TMEM164: variants seen among roughly 807,000 people sequenced by gnomAD.
TMEM164 encodes the protein RP13-360B22.2.
TMEM164 carries 4 observed loss-of-function variants against 18.8 expected under a neutral mutation model. The observed-to-expected ratio is 0.21, with a 90% confidence interval of 0.10 to 0.49. The LOEUF is 0.49. TMEM164 is among the 20% of genes least tolerant of loss of function. The pLI, the probability that TMEM164 is intolerant of heterozygous loss-of-function variation, is 0.98. For missense variants in TMEM164, 108 were observed against 239.9 expected, an observed-to-expected ratio of 0.45 and a Z score of 3.63; for synonymous variants, 86 against 101.7, an observed-to-expected ratio of 0.85 and a Z score of 0.93.
intron 2 of TMEM164, among the ~76,000 whole-genome samples, chrX:110,054,569 G>A (rs1396443036): frequency 8.9e-6 from 1 of 112,008 alleles, no homozygotes; most frequent in African/African-American, 3.2e-5. Context: ...CAGCTCACCT[G>A]TTGTCACTAC....
At chrX:110,104,441 T>C (rs2066156415) in intron 3 of TMEM164, among the ~76,000 whole-genome samples, 1 of 111,677 alleles carries the variant, frequency 9.0e-6, no homozygotes, top group Non-Finnish European at 1.9e-5. Context: ...TGCAATACCA[T>C]AAATGTTGAA....
intron 4 of TMEM164, among the ~76,000 whole-genome samples, chrX:110,124,628 C>T (rs182441637): frequency 7.6e-4 from 85 of 111,446 alleles, no homozygotes; most frequent in Non-Finnish European, 1.9e-4. Context: ...GGAAAAACTT[C>T]GTAAGCTAGG....
chrX:110,148,507 CTTTCTTTTTT>C (rs1003034888), intron 5 of TMEM164, among the ~76,000 whole-genome samples: 4 of 109,716 alleles, frequency 3.6e-5, no homozygotes, highest in African/African-American at 1.0e-4. Flanking sequence ...TATTCTTTTT[CTTTCTTTTTT>C]TTTCTTTTTT....
downstream of TMEM164, among the ~76,000 whole-genome samples, chrX:110,184,073 A>G (rs113578509): frequency 0.026 from 2,841 of 111,176 alleles, 91 homozygotes; most frequent in African/African-American, 0.087. Flanking sequence ...ATAATGATGT[A>G]TCAGTGTAGG....
intron 3 of TMEM164, among the ~76,000 whole-genome samples, chrX:110,084,400 A>ATAG (rs1569320935): frequency 3.0e-3 from 170 of 55,793 alleles, no homozygotes; most frequent in Non-Finnish European, 4.6e-3. Context: ...ATAGTATAGT[A>ATAG]TATATATATA....
intron 4 of TMEM164, among the ~76,000 whole-genome samples, chrX:110,144,014 TAC>T (rs1472942449): frequency 8.9e-6 from 1 of 111,823 alleles, no homozygotes; most frequent in Non-Finnish European, 1.9e-5. Context: ...GCTTTGAGAA[TAC>T]AGAGATTCCA....
intron 4 of TMEM164, among the ~76,000 whole-genome samples, chrX:110,109,444 G>A (rs1320127311): frequency 1.8e-5 from 2 of 111,922 alleles, no homozygotes; most frequent in African/African-American, 3.2e-5. Context: ...CTTGAACCTG[G>A]GTGGCAGAGG....
rs1401838853 is a variant in TMEM164, at chrX:110,055,182, T to A, written c.391-12165T>A. 66 of 298,637 alleles carry A rather than the reference T, an allele frequency of 2.2e-4. 1 individual carries two copies. The East Asian group carries it at 2.6e-3, about 12-fold the overall frequency. The allele number at this position is 298,637 out of a possible 1,213,427, so 24.6% of individuals were successfully genotyped here. ...TTCCATGCAAATGCTGTTTGTGTGCTATGGCCATGCTATTCTCTTGAATTT... is the reference window on the plus strand; with the variant it reads ...TTCCATGCAAATGCTGTTTGTGTGCAATGGCCATGCTATTCTCTTGAATTT... On this transcript the variant is annotated intron_variant, in intron 2 of 6. Coordinates refer to ENST00000372068, the MANE Select transcript of TMEM164 (RefSeq NM_032227.4).
intron 5 of TMEM164, among the ~76,000 whole-genome samples, chrX:110,166,195 C>T (rs1233671273): frequency 9.0e-6 from 1 of 111,670 alleles, no homozygotes; most frequent in African/African-American, 3.3e-5. Flanking sequence ...AGGCTATAAC[C>T]TCTCCTTCCT....
At chrX:110,127,269 T>C (rs748879363) in intron 4 of TMEM164, among the ~76,000 whole-genome samples, 34 of 111,451 alleles carry the variant, frequency 3.1e-4, no homozygotes, top group Non-Finnish European at 6.2e-4. Context: ...TCCCAGCACT[T>C]TGAGAGGCTG....
chrX:110,050,564 G>A (rs184678013), intron 2 of TMEM164, among the ~76,000 whole-genome samples: 101 of 111,664 alleles, frequency 9.0e-4, no homozygotes, highest in African/African-American at 2.8e-3. Context: ...AATTTGCAGC[G>A]TCCCCAGCCC....
intron 3 of TMEM164, among the ~76,000 whole-genome samples, chrX:110,091,335 G>A (rs1224159171): frequency 8.9e-6 from 1 of 112,109 alleles, no homozygotes; most frequent in African/African-American, 3.2e-5. Context: ...CAGTGTAAAA[G>A]TGTTCCTATT....
At chrX:110,099,078 G>T (rs974457823) in intron 3 of TMEM164, among the ~76,000 whole-genome samples, 8 of 108,761 alleles carry the variant, frequency 7.4e-5, no homozygotes, top group Admixed American at 7.0e-4. Context: ...GATTACAGGC[G>T]TGAGCCACCG....
At chrX:110,039,961 C>G (rs1040223370) in intron 2 of TMEM164, among the ~76,000 whole-genome samples, 1 of 111,198 alleles carries the variant, frequency 9.0e-6, no homozygotes, top group African/African-American at 3.3e-5. Context: ...TCTTCAAAAT[C>G]CCTGAGCAAG....
At chrX:110,143,619 G>A (rs1055631679) in intron 4 of TMEM164, among the ~76,000 whole-genome samples, 6 of 111,160 alleles carry the variant, frequency 5.4e-5, no homozygotes, top group Admixed American at 1.9e-4. Flanking sequence ...TCCCATTCTG[G>A]GAGCTCTGCC....
intron 2 of TMEM164, among the ~76,000 whole-genome samples, chrX:110,041,697 C>T (rs919245104): frequency 8.9e-6 from 1 of 111,921 alleles, no homozygotes; most frequent in African/African-American, 3.2e-5. Context: ...AACGAACAAA[C>T]GATCAGAAGT....
At chrX:110,148,129 A>G (rs895052206) in intron 5 of TMEM164, among the ~76,000 whole-genome samples, 3 of 110,351 alleles carry the variant, frequency 2.7e-5, no homozygotes, top group African/African-American at 9.9e-5. Context: ...CCATTGCTCA[A>G]TTTATTTTCT....
At chrX:110,139,359 T>C (rs935589362) in intron 4 of TMEM164, among the ~76,000 whole-genome samples, 2 of 110,608 alleles carry the variant, frequency 1.8e-5, no homozygotes, top group Non-Finnish European at 3.8e-5. Context: ...GGTGGGAGCT[T>C]ATGCATGTTA....
intron 5 of TMEM164, among the ~76,000 whole-genome samples, chrX:110,156,756 C>T (rs2067022014): frequency 9.0e-6 from 1 of 111,442 alleles, no homozygotes; most frequent in Non-Finnish European, 1.9e-5. Flanking sequence ...ACTGTGTTCT[C>T]ACACGTGGAA....
Sources: gnomAD v4.1 joint callset for allele counts (sites outside exome capture counted in the v4.1 genomes callset) on GRCh38, gnomAD v4.1.1 for gene constraint, MANE v1.5 for transcripts, NCBI Gene and HGNC (gene_info 2026-07-23, HGNC 2026-07-21) for gene names.